SIK3: variants seen among roughly 807,000 people sequenced by gnomAD.
SIK3 encodes SIK family kinase 3.
In SIK3, 28 loss-of-function variants were observed where a neutral mutation model predicts 144.2. The ratio of observed to expected loss-of-function variants is 0.19; its 90% CI spans 0.14 to 0.27. The LOEUF (loss-of-function observed/expected upper bound fraction) is 0.27, where lower values mean the gene tolerates loss of function less well. SIK3 is among the 10% of genes least tolerant of loss of function. The probability of loss-of-function intolerance (pLI) is 1.00; values close to 1 mark genes in which losing one functional copy is unlikely to be tolerated. For synonymous variants in SIK3, 686 were observed against 676.3 expected, an observed-to-expected ratio of 1.01 and a Z score of -0.22; for missense variants, 1,319 against 1,776.0, an observed-to-expected ratio of 0.74 and a Z score of 4.62.
At chr11:117,062,664 C>T (rs1348112976) in intron 1 of SIK3, among the ~76,000 whole-genome samples, 1 of 152,124 alleles carries the variant, frequency 6.6e-6, no homozygotes, top group Non-Finnish European at 1.5e-5. Flanking sequence ...AAAATTTAGC[C>T]ATTTGTCACC....
chr11:116,967,817 A>T (rs529072266), intron 1 of SIK3, among the ~76,000 whole-genome samples: 6 of 152,316 alleles, frequency 3.9e-5, no homozygotes, highest in Admixed American at 3.9e-4. Context: ...TGGAGTAAGA[A>T]GCCAGCCTCC....
intron 1 of SIK3, among the ~76,000 whole-genome samples, chr11:117,087,695 G>A (rs1203157137): frequency 6.6e-6 from 1 of 152,146 alleles, no homozygotes; most frequent in Non-Finnish European, 1.5e-5. Context: ...TGCTCAGGAG[G>A]TTAATTCTAG....
Position 117,098,377 on chromosome 11 carries a change from G to T in SIK3, c.39C>A (p.Ala13=). ...GCCCGGCTCCCCCAGTCCCGGCCCCGGCAGCCCCGCCAGCTCCGCTCGCCG... is the reference window on the plus strand; with the variant it reads ...GCCCGGCTCCCCCAGTCCCGGCCCCTGCAGCCCCGCCAGCTCCGCTCGCCG... ...AAAASGAGGA[A]GAGTGGAGPA... is the part of the protein sequence containing the mutation. Residue 13 remains alanine, a synonymous_variant, in exon 1 of 25, where the codon GCC becomes GCA. Transcript: ENST00000445177. 2.6e-6 allele frequency: 3 copies of T among 1,171,098 alleles called. No homozygotes were observed. The highest frequency in any genetic ancestry group is 2.1e-6 in the Non-Finnish European group (2 of 950,614). The allele number at this position is 1,171,098 out of a possible 1,614,324, so 72.5% of individuals were successfully genotyped here.
At chr11:116,863,854 C>T (rs760334742) in intron 15 of SIK3, 36 bp from the exon 16 acceptor site, 3 of 1,544,476 alleles carry the variant, frequency 1.9e-6, no homozygotes, top group East Asian at 2.3e-5. Flanking sequence ...GAGGCTAGGA[C>T]TCAGGGGCTT....
chr11:116,892,865 ATAT>A (rs1192892335), intron 6 of SIK3, among the ~76,000 whole-genome samples: 2 of 152,222 alleles, frequency 1.3e-5, no homozygotes, highest in Admixed American at 6.5e-5. Context: ...AGGCAAGGAA[ATAT>A]TATTCAGTGC....
chr11:116,992,546 G>T (rs904311372), intron 1 of SIK3, among the ~76,000 whole-genome samples: 5 of 151,972 alleles, frequency 3.3e-5, no homozygotes, highest in Non-Finnish European at 5.9e-5. Context: ...TGTTAGGATG[G>T]ACCATGCAGC....
intron 1 of SIK3, among the ~76,000 whole-genome samples, chr11:117,038,231 C>A (rs1952595170): frequency 6.6e-6 from 1 of 152,166 alleles, no homozygotes; most frequent in Admixed American, 6.5e-5. Flanking sequence ...TTTTCTCAGC[C>A]TCATCTGAAC....
At chr11:116,859,171 A>G in intron 20 of SIK3, 94 bp downstream of exon 20, 1 of 1,154,052 alleles carries the variant, frequency 8.7e-7, no homozygotes, top group South Asian at 1.5e-5. Flanking sequence ...AGTCAGACCC[A>G]TTCTCCTTCC....
At chr11:116,889,240 G>A (rs2134687785) in intron 6 of SIK3, among the ~76,000 whole-genome samples, 1 of 152,280 alleles carries the variant, frequency 6.6e-6, no homozygotes, top group South Asian at 2.1e-4. Flanking sequence ...CTAAAATATA[G>A]TTATGTAGCT....
chr11:116,932,902 T>A (rs1030752855), intron 3 of SIK3, among the ~76,000 whole-genome samples: 5 of 152,062 alleles, frequency 3.3e-5, no homozygotes, highest in South Asian at 4.1e-4. Context: ...CACCTCAGCC[T>A]CCCAAGCAGC....
chr11:116,882,739 G>GCTAC (rs1306287999), intron 6 of SIK3, among the ~76,000 whole-genome samples: 2 of 152,098 alleles, frequency 1.3e-5, no homozygotes, highest in East Asian at 1.9e-4. Flanking sequence ...TCCAGTCAAT[G>GCTAC]GTAGGTGTGT....
chr11:117,009,163 G>A (rs900281315), intron 1 of SIK3, among the ~76,000 whole-genome samples: 20 of 151,566 alleles, frequency 1.3e-4, no homozygotes, highest in Admixed American at 1.1e-3. Flanking sequence ...GAACCCAGGA[G>A]GCAGAGGTTG....
intron 22 of SIK3, among the ~76,000 whole-genome samples, chr11:116,848,028 GAC>G (rs1942125373): frequency 6.6e-6 from 1 of 152,202 alleles, no homozygotes; most frequent in African/African-American, 2.4e-5. Context: ...CTTAAAGTGT[GAC>G]TGGGCTGGGC....
chr11:116,927,352 T>A lies in SIK3; in HGVS notation c.483A>T (p.Ala161=). 3 of 1,613,452 alleles carry A rather than the reference T, an allele frequency of 1.9e-6. No individual in the cohort carries two copies. Among genetic ancestry groups the A allele is most frequent in the Non-Finnish European group, 2.5e-6 (3 of 1,179,716 alleles). Residue 161 remains alanine, a synonymous_variant, in exon 4 of 25, where the codon GCA becomes GCT. Coordinates refer to ENST00000445177, the MANE Select transcript of SIK3 (RefSeq NM_001366686.3). ...FDHLVAHGRM[A]EKEARRKFKQ... ...TGAACTTCCGACGTGCCTCCTTTTC[T>A]GCCATTCTACCATGGGCCACCAGGT...
chr11:117,049,729 A>T (rs1953139529), intron 1 of SIK3, among the ~76,000 whole-genome samples: 1 of 152,020 alleles, frequency 6.6e-6, no homozygotes, highest in South Asian at 2.1e-4. Context: ...GCTGAAGTGG[A>T]GGAATCACTT....
At chr11:116,891,867 C>G (rs525302) in intron 6 of SIK3, among the ~76,000 whole-genome samples, 129,849 of 152,132 alleles carry the variant, frequency 0.85, 56,794 homozygotes, top group Non-Finnish European at 0.94. Context: ...CTTAGAAGTG[C>G]CTACATGAAT....
chr11:116,867,214 G>T lies in SIK3; in HGVS notation c.1952+732C>A, dbSNP rs1943693834. Among the ~76,000 whole-genome samples the T allele has an allele frequency of 6.6e-6, 1 of 152,188 alleles. No individual in the cohort carries two copies. The highest frequency in any genetic ancestry group is 6.5e-5 in the Admixed American group (1 of 15,284). On this transcript the variant is annotated intron_variant, in intron 15 of 24. Transcript: ENST00000445177. This position sits in a 1 kb window ranked among gnomAD's most constrained non-coding sequence, Gnocchi z 4.1. ...CGTGTGGGCCATGAGCTTGGGGATAGCTTCGGAGTGGCCAAGACTGAGATT... is the reference window on the plus strand; with the variant it reads ...CGTGTGGGCCATGAGCTTGGGGATATCTTCGGAGTGGCCAAGACTGAGATT...
chr11:116,943,232 G>A (rs963858025), intron 3 of SIK3, among the ~76,000 whole-genome samples: 1 of 151,964 alleles, frequency 6.6e-6, no homozygotes. Flanking sequence ...TGTTCAAAGT[G>A]AAGAAAAAAA....
intron 1 of SIK3, among the ~76,000 whole-genome samples, chr11:117,066,358 G>A (rs117315666): frequency 2.0e-5 from 3 of 150,814 alleles, no homozygotes; most frequent in East Asian, 3.9e-4. Flanking sequence ...GTGAGCCACC[G>A]CACCTGGCCT....
Sources: gnomAD v4.1 joint callset for allele counts (sites outside exome capture counted in the v4.1 genomes callset) on GRCh38, gnomAD v4.1.1 for gene constraint, Gnocchi (gnomAD v3.1) non-coding constraint, MANE v1.5 for transcripts, NCBI Gene and HGNC (gene_info 2026-07-23, HGNC 2026-07-21) for gene names.